The following LHFPL3 variants were observed in gnomAD, a reference collection of about 807,000 sequenced individuals.
The protein encoded by LHFPL3 is LHFPL tetraspan subfamily member 3 protein.
LHFPL3 carries 5 observed loss-of-function variants against 19.3 expected under a neutral mutation model. That is an observed-to-expected ratio of 0.26 (90% CI 0.14 to 0.54). The LOEUF is 0.54. Ranked by LOEUF, LHFPL3 falls within the 20% of genes least tolerant of loss-of-function variation. The pLI is 0.94. For synonymous variants in LHFPL3, 133 were observed against 126.2 expected, an observed-to-expected ratio of 1.05 and a Z score of -0.36; for missense variants, 249 against 307.4, an observed-to-expected ratio of 0.81 and a Z score of 1.42.
At chr7:104,380,169 C>T (rs925130552) in intron 1 of LHFPL3, among the ~76,000 whole-genome samples, 4 of 152,106 alleles carry the variant, frequency 2.6e-5, no homozygotes, top group African/African-American at 9.7e-5. Context: ...TTCTCCAGTG[C>T]AAAATGGGGC....
chr7:104,737,504 G>T (rs1349764846), intron 2 of LHFPL3, among the ~76,000 whole-genome samples: 3 of 152,148 alleles, frequency 2.0e-5, no homozygotes, highest in South Asian at 4.1e-4. Context: ...TTTTCCAAAA[G>T]AAATTGCCTT....
Position 104,581,701 on chromosome 7 carries a change from T to C in LHFPL3, c.446-154974T>C, listed in dbSNP as rs138789225. On this transcript the variant is annotated intron_variant, in intron 1 of 2. Coordinates refer to ENST00000424859, the MANE Select transcript of LHFPL3 (RefSeq NM_199000.3). ...TATGTTGAAGTTTACTTTTTCCATA[T>C]AGATATCCTGTCATTCTAGCACTAT... 3.3e-4 allele frequency among the ~76,000 whole-genome samples: 50 copies of C among 152,192 alleles called. No homozygotes were observed. The East Asian group carries it at 9.3e-3, about 28-fold the overall frequency.
chr7:104,669,735 C>T (rs1278595195), intron 1 of LHFPL3, among the ~76,000 whole-genome samples: 1 of 152,172 alleles, frequency 6.6e-6, no homozygotes, highest in Non-Finnish European at 1.5e-5. Flanking sequence ...ATTTTGCATG[C>T]TGCTGCAGCC....
chr7:104,521,041 G>A lies in LHFPL3; in HGVS notation c.445+191817G>A, dbSNP rs186936991. 3.3e-4 allele frequency among the ~76,000 whole-genome samples: 50 copies of A among 152,020 alleles called. No individual in the cohort carries two copies. In the East Asian group the frequency reaches 7.3e-3, roughly 22 times the overall value. On this transcript the variant is annotated intron_variant, in intron 1 of 2. Coordinates refer to ENST00000424859, the MANE Select transcript of LHFPL3 (RefSeq NM_199000.3). ...TCTAGTTCTTTTAATTGTGATGTTAGGGTGTCAGTTTTGGATCTTTCCTGC... is the reference window on the plus strand; with the variant it reads ...TCTAGTTCTTTTAATTGTGATGTTAAGGTGTCAGTTTTGGATCTTTCCTGC...
intron 2 of LHFPL3, among the ~76,000 whole-genome samples, chr7:104,829,466 G>A (rs1179076770): frequency 1.3e-5 from 2 of 151,700 alleles, no homozygotes; most frequent in Non-Finnish European, 2.9e-5. Flanking sequence ...ATCTCCTAAT[G>A]CTATCCCTCC....
At chr7:104,582,365 T>G (rs1327230923) in intron 1 of LHFPL3, among the ~76,000 whole-genome samples, 1 of 152,004 alleles carries the variant, frequency 6.6e-6, no homozygotes, top group East Asian at 1.9e-4. Context: ...TAATTGTATT[T>G]AGAATTCTTC....
intron 1 of LHFPL3, among the ~76,000 whole-genome samples, chr7:104,661,660 A>G (rs1584466816): frequency 6.6e-6 from 1 of 152,174 alleles, no homozygotes; most frequent in Admixed American, 6.5e-5. Flanking sequence ...AAGACCCCCA[A>G]AGGTTGCCTG....
chr7:104,868,759 C>A lies in LHFPL3; in HGVS notation c.683-37428C>A, dbSNP rs1288901824. On this transcript the variant is annotated intron_variant, in intron 2 of 2. Coordinates refer to ENST00000424859, the MANE Select transcript of LHFPL3 (RefSeq NM_199000.3). ...TCATATAGAACCAAAAAAGAGCCCG[C>A]ATTGCCAAGTCAATCCTAACCCAAA... Among the ~76,000 whole-genome samples the A allele has an allele frequency of 2.0e-5, 3 of 152,164 alleles. No homozygotes were observed. The East Asian group carries it at 5.8e-4, about 29-fold the overall frequency.
chr7:104,473,039 G>A (rs1792941402), intron 1 of LHFPL3, among the ~76,000 whole-genome samples: 2 of 152,158 alleles, frequency 1.3e-5, no homozygotes, highest in Admixed American at 1.3e-4. Context: ...GGCCATAATT[G>A]TAATGAAATC....
chr7:104,759,353 T>G (rs948395460), intron 2 of LHFPL3, among the ~76,000 whole-genome samples: 13 of 152,220 alleles, frequency 8.5e-5, no homozygotes, highest in Non-Finnish European at 1.8e-4. Flanking sequence ...CATGTCCCTG[T>G]AGCCACAGTT....
chr7:104,589,242 G>A (rs1185902595), intron 1 of LHFPL3, among the ~76,000 whole-genome samples: 1 of 150,462 alleles, frequency 6.6e-6, no homozygotes, highest in Non-Finnish European at 1.5e-5. Flanking sequence ...GATATTGGCT[G>A]TGGGTTTGTC....
chr7:104,782,527 T>G (rs985342609), intron 2 of LHFPL3, among the ~76,000 whole-genome samples: 1 of 152,228 alleles, frequency 6.6e-6, no homozygotes, highest in Non-Finnish European at 1.5e-5. Context: ...ACTTTCGTCA[T>G]GGTCACCATC....
chr7:104,356,014 T>C (rs969118869), intron 1 of LHFPL3, among the ~76,000 whole-genome samples: 4 of 152,232 alleles, frequency 2.6e-5, no homozygotes, highest in African/African-American at 9.6e-5. Flanking sequence ...GATAATGATA[T>C]GTAATATGGT....
chr7:104,765,927 A>G (rs1203771297), intron 2 of LHFPL3, among the ~76,000 whole-genome samples: 2 of 152,206 alleles, frequency 1.3e-5, no homozygotes, highest in African/African-American at 4.8e-5. Flanking sequence ...GTCAACATCA[A>G]ATGCATCCAA....
chr7:104,703,162 G>A (rs547166068), intron 1 of LHFPL3, among the ~76,000 whole-genome samples: 2 of 152,150 alleles, frequency 1.3e-5, no homozygotes, highest in South Asian at 4.1e-4. Context: ...GCTTTTAAAA[G>A]CACAACTTTC....
At chr7:104,783,178 T>G (rs1789845878) in intron 2 of LHFPL3, among the ~76,000 whole-genome samples, 1 of 152,220 alleles carries the variant, frequency 6.6e-6, no homozygotes, top group African/African-American at 2.4e-5. Context: ...GTGCTTCTGG[T>G]GCACATTGAA....
intron 1 of LHFPL3, among the ~76,000 whole-genome samples, chr7:104,685,238 T>C (rs1193908753): frequency 6.6e-6 from 1 of 152,126 alleles, no homozygotes; most frequent in African/African-American, 2.4e-5. Context: ...TCCCAGCTAC[T>C]CAGGAGGCTG....
At chr7:104,344,110 A>C (rs556927522) in intron 1 of LHFPL3, among the ~76,000 whole-genome samples, 5 of 152,296 alleles carry the variant, frequency 3.3e-5, no homozygotes, top group African/African-American at 1.2e-4. Flanking sequence ...GCATCTATTG[A>C]AATGATCAAA....
chr7:104,511,889 A>C (rs183672334), intron 1 of LHFPL3, among the ~76,000 whole-genome samples: 102 of 151,892 alleles, frequency 6.7e-4, no homozygotes, highest in African/African-American at 2.4e-3. Context: ...ATGTCCTCTG[A>C]GAAACTAGAG....
Sources: allele counts gnomAD v4.1 joint callset (sites outside exome capture counted in the v4.1 genomes callset), GRCh38; gene constraint gnomAD v4.1.1; transcripts MANE v1.5; gene names NCBI Gene and HGNC (gene_info 2026-07-23, HGNC 2026-07-21).